Variants in LRP1B observed in about 807,000 individuals in gnomAD.
LRP1B encodes LDL receptor related protein 1B, also known as low-density lipoprotein receptor-related protein 1B.
A neutral mutation model predicts 556.6 loss-of-function variants in LRP1B; 217 were observed. That is an observed-to-expected ratio of 0.39 (90% CI 0.35 to 0.44). The LOEUF is 0.44. Among genes scored for constraint, LRP1B ranks in the 20% least tolerant of loss-of-function variants. The pLI, the probability that LRP1B is intolerant of heterozygous loss-of-function variation, is 1.00. For missense variants in LRP1B, 5,053 were observed against 5,620.8 expected (o/e 0.90, Z 3.23); for synonymous variants, 2,047 against 1,865.8 (o/e 1.10, Z -2.50).
At chr2:141,643,385 T>C (rs540139057) in intron 2 of LRP1B, among the ~76,000 whole-genome samples, 3 of 152,270 alleles carry the variant, frequency 2.0e-5, no homozygotes, top group East Asian at 1.9e-4. Context: ...TTCACATCTA[T>C]AAACCAGGGA....
At chr2:140,300,322 C>T (rs1469826017) in intron 83 of LRP1B, among the ~76,000 whole-genome samples, 2 of 152,102 alleles carry the variant, frequency 1.3e-5, no homozygotes, top group South Asian at 4.1e-4. Context: ...AATGAACTTT[C>T]TGTTGCAGAA....
chr2:140,593,708 A>G (rs1682317870), intron 43 of LRP1B, among the ~76,000 whole-genome samples: 1 of 152,208 alleles, frequency 6.6e-6, no homozygotes, highest in Non-Finnish European at 1.5e-5. Context: ...ATTCTAAGAT[A>G]AAACAGAATA....
At chr2:141,935,012 T>TAAACTGTTGTCCTAGGA (rs1191097700) in intron 1 of LRP1B, among the ~76,000 whole-genome samples, 1 of 151,802 alleles carries the variant, frequency 6.6e-6, no homozygotes, top group Non-Finnish European at 1.5e-5. Flanking sequence ...AAAACTGGCA[T>TAAACTGTTGTCCTAGGA]AAACTGGAGT....
At chr2:141,164,471 T>G (rs1344238) in intron 7 of LRP1B, among the ~76,000 whole-genome samples, 51,179 of 151,912 alleles carry the variant, frequency 0.34, 9,028 homozygotes, top group East Asian at 0.67. Flanking sequence ...ATAATTCTCA[T>G]GACTTCATAA....
chr2:141,514,407 A>T (rs1684239333), intron 2 of LRP1B, among the ~76,000 whole-genome samples: 2 of 152,090 alleles, frequency 1.3e-5, no homozygotes, highest in African/African-American at 4.8e-5. Flanking sequence ...TGGCCCTGCA[A>T]GGTGTGCTCT....
chr2:141,621,961 G>C lies in LRP1B; in HGVS notation c.206-141428C>G, dbSNP rs574397219. Among the ~76,000 whole-genome samples the C allele has an allele frequency of 3.3e-5, 5 of 152,036 alleles. 1 individual carries two copies. Among genetic ancestry groups the C allele is most frequent in the African/African-American group, 1.2e-4 (5 of 41,460 alleles). On this transcript the variant is annotated intron_variant, in intron 2 of 90. Coordinates refer to ENST00000389484, the MANE Select transcript of LRP1B (RefSeq NM_018557.3). ...GGCTGGAGTGCAATGGAATCATCTCGGCTCATGGCAACCTCTGCCTCCCAG... is the reference window on the plus strand; with the variant it reads ...GGCTGGAGTGCAATGGAATCATCTCCGCTCATGGCAACCTCTGCCTCCCAG...
chr2:140,610,646 T>C (rs1314899498), intron 41 of LRP1B, among the ~76,000 whole-genome samples: 4 of 152,178 alleles, frequency 2.6e-5, no homozygotes, highest in Non-Finnish European at 5.9e-5. Context: ...AGTGCAGTGG[T>C]GCGATCTTGG....
At chr2:141,786,059 AG>A (rs1695422336) in intron 2 of LRP1B, among the ~76,000 whole-genome samples, 1 of 151,916 alleles carries the variant, frequency 6.6e-6, no homozygotes, top group African/African-American at 2.4e-5. Flanking sequence ...ACCTCTATAA[AG>A]GGGATAGCTA....
chr2:141,687,408 A>G (rs1482295376), intron 2 of LRP1B, among the ~76,000 whole-genome samples: 1 of 152,000 alleles, frequency 6.6e-6, no homozygotes, highest in African/African-American at 2.4e-5. Context: ...AATGGTTCCA[A>G]AATTTATAAT....
intron 3 of LRP1B, among the ~76,000 whole-genome samples, chr2:141,337,155 A>G (rs913139891): frequency 3.3e-5 from 5 of 152,182 alleles, no homozygotes; most frequent in African/African-American, 4.8e-5. Context: ...TCCCATTCCT[A>G]CCAACAAAAG....
chr2:142,109,434 T>G (rs11683745), intron 1 of LRP1B, among the ~76,000 whole-genome samples: 101,698 of 151,980 alleles, frequency 0.67, 34,212 homozygotes, highest in East Asian at 0.71. Flanking sequence ...ATGTTTTAAT[T>G]TCTTTTTCTC....
At chr2:141,985,384 C>T (rs1702158266) in intron 1 of LRP1B, among the ~76,000 whole-genome samples, 1 of 151,814 alleles carries the variant, frequency 6.6e-6, no homozygotes, top group Admixed American at 6.6e-5. Context: ...CAAAGAGGGT[C>T]ACTATTTTAT....
At chr2:140,436,623 T>C (rs1686195242) in intron 66 of LRP1B, among the ~76,000 whole-genome samples, 1 of 151,968 alleles carries the variant, frequency 6.6e-6, no homozygotes, top group Non-Finnish European at 1.5e-5. Flanking sequence ...TTTTTTTTTT[T>C]TTAAATTGCC....
At chr2:141,832,886 T>C (rs1048569270) in intron 1 of LRP1B, among the ~76,000 whole-genome samples, 3 of 151,872 alleles carry the variant, frequency 2.0e-5, no homozygotes, top group Non-Finnish European at 3.0e-5. Context: ...TTGTATCTTT[T>C]ATTTAACTAC....
chr2:140,378,361 T>A (rs1683327489), intron 67 of LRP1B, 75 bp from the exon 68 acceptor site: 1 of 747,160 alleles, frequency 1.3e-6, no homozygotes, highest in South Asian at 1.7e-5. Flanking sequence ...ACATATGACA[T>A]GAGGTAGCAT....
chr2:140,644,745 G>A (rs568554409), intron 41 of LRP1B, among the ~76,000 whole-genome samples: 17 of 152,148 alleles, frequency 1.1e-4, no homozygotes, highest in African/African-American at 3.9e-4. Flanking sequence ...GGACTACATG[G>A]TGCAAACTTC....
At chr2:141,829,113 T>G (rs1404538143) in intron 1 of LRP1B, among the ~76,000 whole-genome samples, 1 of 152,070 alleles carries the variant, frequency 6.6e-6, no homozygotes, top group Non-Finnish European at 1.5e-5. Flanking sequence ...ATTTATATTA[T>G]TACTAAAATT....
intron 56 of LRP1B, among the ~76,000 whole-genome samples, chr2:140,494,700 G>T (rs1012456773): frequency 6.0e-5 from 9 of 150,870 alleles, no homozygotes; most frequent in African/African-American, 9.8e-5. Flanking sequence ...AAATTGAAAG[G>T]AGTTAATTTT....
chr2:141,136,657 T>C (rs928817575), intron 7 of LRP1B, among the ~76,000 whole-genome samples: 1 of 151,024 alleles, frequency 6.6e-6, no homozygotes, highest in East Asian at 1.9e-4. Context: ...TACTCTGATC[T>C]GATGGTAAAT....
Sources: gnomAD v4.1 joint callset for allele counts (sites outside exome capture counted in the v4.1 genomes callset) on GRCh38, gnomAD v4.1.1 for gene constraint, MANE v1.5 for transcripts, NCBI Gene and HGNC (gene_info 2026-07-23, HGNC 2026-07-21) for gene names.